The following EHBP1 variants were observed in gnomAD, a reference collection of about 807,000 sequenced individuals.
EHBP1 encodes EH domain binding protein 1.
EHBP1 carries 55 observed loss-of-function variants against 144.0 expected under a neutral mutation model. The ratio of observed to expected loss-of-function variants is 0.38; its 90% CI spans 0.31 to 0.48. The LOEUF is 0.48. EHBP1 is among the 20% of genes least tolerant of loss of function. The pLI, the probability that EHBP1 is intolerant of heterozygous loss-of-function variation, is 0.98. For synonymous variants in EHBP1, 469 were observed against 472.7 expected (o/e 0.99, Z 0.10); for missense variants, 1,200 against 1,364.2 (o/e 0.88, Z 1.90).
At chr2:62,712,794 AGT>A (rs1443565387) in intron 2 of EHBP1, among the ~76,000 whole-genome samples, 1 of 152,160 alleles carries the variant, frequency 6.6e-6, no homozygotes, top group Non-Finnish European at 1.5e-5. Context: ...GAGGTGGAAG[AGT>A]GTGAGATGCT....
In EHBP1 at chr2:62,793,932, T is replaced by C. The variant is rs182922410; in HGVS notation, c.312+22540T>C. Among the ~76,000 whole-genome samples, 125 of 152,260 alleles carry C rather than the reference T, an allele frequency of 8.2e-4. 2 individuals are homozygous for C. The highest frequency in any genetic ancestry group is 2.7e-3 in the African/African-American group (114 of 41,584). On this transcript the variant is annotated intron_variant, in intron 5 of 22. Transcript: ENST00000431489. ...TATCTGTGAAGTTAAGGCCTGGATT[T>C]GAAGTCTTACTTGATATAGTTTTGT...
chr2:62,810,753 T>C (rs1324983294), intron 5 of EHBP1, among the ~76,000 whole-genome samples: 1 of 152,222 alleles, frequency 6.6e-6, no homozygotes, highest in Non-Finnish European at 1.5e-5. Context: ...ATTATATTTC[T>C]CTCAGAACAT....
intron 3 of EHBP1, among the ~76,000 whole-genome samples, chr2:62,761,983 G>A (rs115635087): frequency 2.5e-3 from 383 of 152,064 alleles, no homozygotes; most frequent in African/African-American, 8.9e-3. Flanking sequence ...TCACTTTACT[G>A]AAACTGCTCT....
chr2:62,827,473 A>C (rs1400199495), intron 6 of EHBP1, among the ~76,000 whole-genome samples: 3 of 152,180 alleles, frequency 2.0e-5, no homozygotes, highest in Non-Finnish European at 4.4e-5. Context: ...TAAGTGAATC[A>C]GCACCATTCA....
intron 10 of EHBP1, among the ~76,000 whole-genome samples, chr2:62,930,633 A>G (rs2055909612): frequency 6.6e-6 from 1 of 152,204 alleles, no homozygotes; most frequent in Non-Finnish European, 1.5e-5. Flanking sequence ...AACTTACTGC[A>G]CAGCTACAGT....
At chr2:62,858,583 C>T (rs531982437) in intron 7 of EHBP1, 36 of 978,982 alleles carry the variant, frequency 3.7e-5, no homozygotes, top group African/African-American at 3.3e-4. Context: ...CTCTTGACTT[C>T]TGTCTGTATT....
At chr2:62,869,297 G>A (rs1026753234) in intron 9 of EHBP1, among the ~76,000 whole-genome samples, 1 of 152,166 alleles carries the variant, frequency 6.6e-6, no homozygotes, top group African/African-American at 2.4e-5. Context: ...CCATTTCTAC[G>A]TTTCAAGAGA....
chr2:62,800,349 C>A (rs1392873831), intron 5 of EHBP1, among the ~76,000 whole-genome samples: 1 of 152,046 alleles, frequency 6.6e-6, no homozygotes. Flanking sequence ...TCTTTAGTCA[C>A]CAAATCTAGT....
chr2:62,873,076 C>T (rs1421787341), intron 9 of EHBP1, among the ~76,000 whole-genome samples: 5 of 152,102 alleles, frequency 3.3e-5, no homozygotes, highest in Non-Finnish European at 5.9e-5. Flanking sequence ...AAGTGTTAAA[C>T]GCTCTGAAGA....
chr2:62,890,330 A>G (rs954740709), intron 10 of EHBP1, among the ~76,000 whole-genome samples: 1 of 152,196 alleles, frequency 6.6e-6, no homozygotes, highest in African/African-American at 2.4e-5. Context: ...TGCTTTGGGC[A>G]ATATGGCCAT....
At chr2:62,825,752 T>C (rs951745194) in intron 5 of EHBP1, among the ~76,000 whole-genome samples, 2 of 152,090 alleles carry the variant, frequency 1.3e-5, no homozygotes, top group African/African-American at 4.8e-5. Flanking sequence ...TGTTGATGCC[T>C]AGCCCTGTAT....
chr2:62,867,325 A>G lies in EHBP1; in HGVS notation c.998+2354A>G, dbSNP rs1014524152. On this transcript the variant is annotated intron_variant, in intron 9 of 22. Coordinates refer to ENST00000431489, the MANE Select transcript of EHBP1 (RefSeq NM_001142616.3). ...TTTTTCAGAGTTGACAATTGTTTAT[A>G]TAGAAAAGCATAAGGAATCTTTAAA... Among the ~76,000 whole-genome samples, 4 of 152,158 alleles carry G rather than the reference A, an allele frequency of 2.6e-5. No homozygotes were observed. The East Asian group carries it at 7.7e-4, about 29-fold the overall frequency.
At chr2:62,966,557 T>A (rs577745616) in intron 14 of EHBP1, among the ~76,000 whole-genome samples, 2 of 152,304 alleles carry the variant, frequency 1.3e-5, no homozygotes, top group African/African-American at 4.8e-5. Flanking sequence ...AGTTATGTAT[T>A]ATTTGTGTCA....
At chr2:62,674,107 A>T (rs142042480) in intron 1 of EHBP1, 50 of 471,176 alleles carry the variant, frequency 1.1e-4, no homozygotes, top group African/African-American at 9.8e-4. Flanking sequence ...GGCCACAAGC[A>T]TCCTCCTAAT....
At chr2:62,679,984 A>G (rs936841580) in intron 1 of EHBP1, among the ~76,000 whole-genome samples, 1 of 152,204 alleles carries the variant, frequency 6.6e-6, no homozygotes, top group Non-Finnish European at 1.5e-5. Flanking sequence ...CAACTCTTCC[A>G]TTCAAATTCA....
chr2:62,914,231 G>A (rs2054438028), intron 10 of EHBP1, among the ~76,000 whole-genome samples: 4 of 152,080 alleles, frequency 2.6e-5, no homozygotes, highest in Admixed American at 2.6e-4. Context: ...GGGTAAAACA[G>A]TAAAAAACTC....
At chr2:62,987,895 A>G in intron 15 of EHBP1, 1 of 1,137,870 alleles carries the variant, frequency 8.8e-7, no homozygotes, top group Non-Finnish European at 1.3e-6. Flanking sequence ...TAAAATATAA[A>G]TAATATACTA....
intron 1 of EHBP1, among the ~76,000 whole-genome samples, chr2:62,695,818 T>G (rs2034067841): frequency 6.6e-6 from 1 of 152,076 alleles, no homozygotes; most frequent in Non-Finnish European, 1.5e-5. Flanking sequence ...GCTCGAGTGA[T>G]TCTCCCACCC....
At chr2:62,688,326 G>C (rs992417356) in intron 1 of EHBP1, among the ~76,000 whole-genome samples, 4 of 152,022 alleles carry the variant, frequency 2.6e-5, no homozygotes, top group African/African-American at 9.6e-5. Context: ...TCTATGTGTT[G>C]GACATTTATT....
Sources: allele counts gnomAD v4.1 joint callset (sites outside exome capture counted in the v4.1 genomes callset), GRCh38; gene constraint gnomAD v4.1.1; transcripts MANE v1.5; gene names NCBI Gene and HGNC (gene_info 2026-07-23, HGNC 2026-07-21).